The following MACO1 variants were observed in gnomAD, a reference collection of about 807,000 sequenced individuals.
The protein encoded by MACO1 is macoilin.
In MACO1, 14 loss-of-function variants were observed where a neutral mutation model predicts 78.7. The observed-to-expected ratio is 0.18, with a 90% CI of 0.12 to 0.28. The LOEUF is 0.28. Among genes scored for constraint, MACO1 ranks in the 10% least tolerant of loss-of-function variants. The probability of loss-of-function intolerance (pLI) is 1.00; values close to 1 mark genes in which losing one functional copy is unlikely to be tolerated. For missense variants in MACO1, 501 were observed against 799.0 expected, an observed-to-expected ratio of 0.63 and a Z score of 4.50; for synonymous variants, 288 against 291.6, an observed-to-expected ratio of 0.99 and a Z score of 0.12.
rs754095328 is a variant in MACO1 at position 25,484,294 on chromosome 1, C to T, written c.1313+20C>T. 2 of 1,567,932 alleles carry T rather than the reference C, an allele frequency of 1.3e-6. No homozygotes were observed. Among genetic ancestry groups the T allele is most frequent in the Admixed American group, 2.0e-5 (1 of 51,262 alleles). On this transcript the variant is annotated intron_variant, in intron 7 of 10. Coordinates refer to ENST00000374343, the MANE Select transcript of MACO1 (RefSeq NM_018202.6). ...GAACAAGTACGTGCACCTTTCAGGC[C>T]TTTGGCCGTAAGCCCGGCAGCTTCA...
chr1:25,489,321 G>A, intron 9 of MACO1, 28 bp downstream of exon 9: 1 of 1,609,414 alleles, frequency 6.2e-7, no homozygotes, highest in Middle Eastern at 1.7e-4. Context: ...GACTTCCCTT[G>A]TATTTGAATT....
At chr1:25,469,599 C>T (rs1280262909) in intron 6 of MACO1, among the ~76,000 whole-genome samples, 1 of 151,144 alleles carries the variant, frequency 6.6e-6, no homozygotes, top group Admixed American at 6.6e-5. Flanking sequence ...TGTCTTCCAG[C>T]TACCAGCATT....
intron 10 of MACO1, among the ~76,000 whole-genome samples, chr1:25,496,632 C>T (rs1325027281): frequency 6.6e-6 from 1 of 151,926 alleles, no homozygotes; most frequent in South Asian, 2.1e-4. Flanking sequence ...AACTAAATGA[C>T]TTTGAGCAAG....
intron 4 of MACO1, 28 bp downstream of exon 4, chr1:25,454,410 G>GTA: frequency 6.5e-7 from 1 of 1,527,360 alleles, no homozygotes; most frequent in Non-Finnish European, 8.9e-7. Context: ...GTATGTGTGT[G>GTA]TGTGTGTATA....
chr1:25,458,382 G>T lies in MACO1; in HGVS notation c.653-9G>T. ...CTTTTTGTTTGTTGGTTTGTTTTTGGTATTGTAGCAGCCAAAGGATTACCT... is the reference window on the plus strand; with the variant it reads ...CTTTTTGTTTGTTGGTTTGTTTTTGTTATTGTAGCAGCCAAAGGATTACCT... On this transcript the variant is annotated splice_polypyrimidine_tract_variant and intron_variant, in intron 5 of 10. Transcript: ENST00000374343. 6.4e-7 allele frequency: 1 copy of T among 1,561,634 alleles called. No homozygotes were observed. The highest frequency in any genetic ancestry group is 8.6e-7 in the Non-Finnish European group (1 of 1,159,890).
Position 25,483,843 on chromosome 1 carries a change from C to T in MACO1, c.1155-273C>T, listed in dbSNP as rs545814536. Among the ~76,000 whole-genome samples the T allele has an allele frequency of 3.9e-5, 6 of 152,288 alleles. No individual in the cohort carries two copies. In the East Asian group the frequency reaches 9.6e-4, roughly 24 times the overall value. On this transcript the variant is annotated intron_variant, in intron 6 of 10. Transcript: ENST00000374343. ...GTCCCTTTCTCCTTTATCAGCAGCT[C>T]GGATGGATATTCACAAGCACCATAC...
intron 6 of MACO1, among the ~76,000 whole-genome samples, chr1:25,464,660 AC>A (rs369052095): frequency 0.1 from 6,360 of 63,096 alleles, 403 homozygotes; most frequent in African/African-American, 0.26. Flanking sequence ...TTCTTCCCCC[AC>A]CCCCCCCCTC....
Position 25,454,438 on chromosome 1 carries a change from ATGTGTG to A in MACO1, c.473+84_473+89del, listed in dbSNP as rs71589767. ...TGTGTATATGTGTGTATGTATATAT[ATGTGTG>A]TGTGTGTGTGTGTGTGTGTGTGTGT... is the stretch of plus-strand genomic sequence containing the variant. On this transcript the variant is annotated intron_variant, in intron 4 of 10. Coordinates refer to ENST00000374343, the MANE Select transcript of MACO1 (RefSeq NM_018202.6). 5.2e-3 allele frequency: 1,354 copies of A among 258,548 alleles called. 32 individuals carry two copies. Among genetic ancestry groups the A allele is most frequent in the African/African-American group, 0.02 (525 of 25,910 alleles). 16.0% of individuals were successfully genotyped at this position (258,548 alleles called of 1,614,324 possible). A position where few individuals can be genotyped will look rare whatever the true frequency, so the allele number is the denominator to read the frequency against.
intron 1 of MACO1, among the ~76,000 whole-genome samples, chr1:25,439,576 T>G (rs2042950217): frequency 6.6e-6 from 1 of 151,982 alleles, no homozygotes; most frequent in Non-Finnish European, 1.5e-5. Flanking sequence ...CTTCTCAGCC[T>G]GCTCCCCTTT....
chr1:25,456,558 T>C, intron 4 of MACO1, 95 bp from the exon 5 acceptor site: 1 of 1,264,472 alleles, frequency 7.9e-7, no homozygotes, highest in Non-Finnish European at 1.1e-6. Flanking sequence ...TTAGAATTTA[T>C]TTTTAATTTT....
chr1:25,489,320 T>G, intron 9 of MACO1, 27 bp downstream of exon 9: 1 of 1,609,772 alleles, frequency 6.2e-7, no homozygotes, highest in Non-Finnish European at 8.5e-7. Flanking sequence ...AGACTTCCCT[T>G]GTATTTGAAT....
intron 6 of MACO1, among the ~76,000 whole-genome samples, chr1:25,469,385 C>T (rs2043247413): frequency 1.3e-5 from 2 of 152,270 alleles, no homozygotes; most frequent in African/African-American, 4.8e-5. Flanking sequence ...CTTCATTGTA[C>T]TTTCTAGCCC....
chr1:25,475,140 C>T (rs1298585178), intron 6 of MACO1, among the ~76,000 whole-genome samples: 6 of 151,482 alleles, frequency 4.0e-5, no homozygotes, highest in African/African-American at 7.3e-5. Context: ...GTCAGGAGAT[C>T]GAGACCATCC....
intron 1 of MACO1, among the ~76,000 whole-genome samples, chr1:25,438,891 T>C (rs956665960): frequency 2.0e-5 from 3 of 151,616 alleles, no homozygotes; most frequent in Admixed American, 2.0e-4. Context: ...AGAGTGAGAC[T>C]GTCTCAAGAA....
chr1:25,432,029 C>G (rs1431274345), intron 1 of MACO1, among the ~76,000 whole-genome samples: 1 of 152,104 alleles, frequency 6.6e-6, no homozygotes, highest in African/African-American at 2.4e-5. Context: ...TCATAGCTTC[C>G]CCAAGTCGAT....
chr1:25,446,751 A>G lies in MACO1; in HGVS notation c.81-11A>G, dbSNP rs1328312897. 2 of 1,594,720 alleles carry G rather than the reference A, an allele frequency of 1.3e-6. No individual in the cohort carries two copies. Among genetic ancestry groups the G allele is most frequent in the African/African-American group, 2.7e-5 (2 of 73,902 alleles). ...GACCTTAAATTAATTCTTTATTTTT[A>G]TATTTTGCAGTACATTTTTATACCT... On this transcript the variant is annotated splice_polypyrimidine_tract_variant and intron_variant, in intron 1 of 10. Coordinates refer to ENST00000374343, the MANE Select transcript of MACO1 (RefSeq NM_018202.6).
intron 6 of MACO1, among the ~76,000 whole-genome samples, chr1:25,483,766 G>A (rs1030313125): frequency 7.9e-5 from 12 of 152,178 alleles, no homozygotes; most frequent in Admixed American, 1.3e-4. Flanking sequence ...CTTGCTGAGG[G>A]CATGAAAAGC....
At chr1:25,435,639 A>G (rs2042913317) in intron 1 of MACO1, among the ~76,000 whole-genome samples, 1 of 152,194 alleles carries the variant, frequency 6.6e-6, no homozygotes, top group Admixed American at 6.5e-5. Flanking sequence ...TGTGTTCTGC[A>G]ACTGAAACCC....
intron 2 of MACO1, 31 bp from the exon 3 acceptor site, chr1:25,448,777 A>G (rs746736536): frequency 4.7e-6 from 7 of 1,492,322 alleles, no homozygotes; most frequent in Non-Finnish European, 2.7e-6. Context: ...TCTAAGATGT[A>G]TCTTTTATTT....
Sources: gnomAD v4.1 joint callset for allele counts (sites outside exome capture counted in the v4.1 genomes callset) on GRCh38, gnomAD v4.1.1 for gene constraint, MANE v1.5 for transcripts, NCBI Gene and HGNC (gene_info 2026-07-23, HGNC 2026-07-21) for gene names.